Variants in EXOC4 observed in about 807,000 individuals in gnomAD.
EXOC4 encodes the protein exocyst complex component 4.
A neutral mutation model predicts 107.2 loss-of-function variants in EXOC4; 71 were observed. The observed-to-expected ratio is 0.66, with a 90% confidence interval of 0.55 to 0.81. The LOEUF (loss-of-function observed/expected upper bound fraction) is 0.81, where lower values mean the gene tolerates loss of function less well. Among genes scored for constraint, EXOC4 ranks in the 30% least tolerant of loss-of-function variants. The pLI, the probability that EXOC4 is intolerant of heterozygous loss-of-function variation, is 0.00. For missense variants in EXOC4, 1,108 were observed against 1,189.6 expected (o/e 0.93, Z 1.01); for synonymous variants, 456 against 441.2 (o/e 1.03, Z -0.42).
chr7:133,295,522 G>A (rs1332904075), intron 3 of EXOC4, among the ~76,000 whole-genome samples: 1 of 152,092 alleles, frequency 6.6e-6, no homozygotes, highest in African/African-American at 2.4e-5. Flanking sequence ...TTAATCCACT[G>A]GGTATCATCA....
At chr7:133,887,335 T>C (rs1040434370) in intron 11 of EXOC4, among the ~76,000 whole-genome samples, 2 of 152,226 alleles carry the variant, frequency 1.3e-5, no homozygotes, top group Non-Finnish European at 2.9e-5. Flanking sequence ...ATCTAGTTTC[T>C]TTTATTAATC....
intron 10 of EXOC4, among the ~76,000 whole-genome samples, chr7:133,690,060 A>G (rs1268542356): frequency 6.6e-6 from 1 of 152,130 alleles, no homozygotes; most frequent in Non-Finnish European, 1.5e-5. Flanking sequence ...CATGCCAGCT[A>G]AAACTGGCCT....
intron 3 of EXOC4, among the ~76,000 whole-genome samples, chr7:133,301,291 T>G (rs1474070067): frequency 6.6e-6 from 1 of 152,210 alleles, no homozygotes; most frequent in East Asian, 1.9e-4. Context: ...AGAGATTTTG[T>G]GATGTTCTTA....
chr7:133,953,224 G>T (rs1800733510), intron 14 of EXOC4, among the ~76,000 whole-genome samples: 2 of 152,122 alleles, frequency 1.3e-5, no homozygotes, highest in African/African-American at 2.4e-5. Flanking sequence ...AAGGTGGGCG[G>T]ATCACTTGAG....
chr7:133,735,219 CAAAAAAAAA>C (rs56769096), intron 10 of EXOC4, among the ~76,000 whole-genome samples: 16 of 33,494 alleles, frequency 4.8e-4, no homozygotes, highest in South Asian at 2.5e-3. Flanking sequence ...GACTCTGTCT[CAAAAAAAAA>C]AAAAAAAAAA....
At chr7:133,867,921 A>G (rs1022194550) in intron 11 of EXOC4, among the ~76,000 whole-genome samples, 1 of 152,260 alleles carries the variant, frequency 6.6e-6, no homozygotes, top group East Asian at 1.9e-4. Flanking sequence ...TTTAAAGCAT[A>G]TGTGCTAATG....
intron 10 of EXOC4, among the ~76,000 whole-genome samples, chr7:133,723,972 T>TAAATAAATTCC (rs1795161592): frequency 1.3e-5 from 2 of 152,272 alleles, no homozygotes; most frequent in South Asian, 2.1e-4. Context: ...ATTTCCATAA[T>TAAATAAATTCC]GACTTATTTA....
intron 14 of EXOC4, among the ~76,000 whole-genome samples, chr7:133,971,355 TATATATAG>T (rs1203765268): frequency 9.8e-5 from 10 of 101,724 alleles, no homozygotes; most frequent in East Asian, 6.3e-4. Flanking sequence ...TATATATATA[TATATATAG>T]AGAGAGAGAG....
At chr7:133,418,491 G>C (rs1797529205) in intron 7 of EXOC4, among the ~76,000 whole-genome samples, 2 of 152,178 alleles carry the variant, frequency 1.3e-5, no homozygotes, top group African/African-American at 4.8e-5. Context: ...TTACTAAGAA[G>C]AATGTCTGAA....
intron 9 of EXOC4, among the ~76,000 whole-genome samples, chr7:133,495,151 C>T (rs1377097025): frequency 1.3e-5 from 2 of 151,730 alleles, no homozygotes; most frequent in African/African-American, 4.8e-5. Flanking sequence ...ACTAGGGAGG[C>T]TGAGGCAGGA....
intron 10 of EXOC4, among the ~76,000 whole-genome samples, chr7:133,791,576 A>G (rs529132642): frequency 3.9e-5 from 6 of 152,230 alleles, no homozygotes; most frequent in Non-Finnish European, 7.3e-5. Context: ...CTGTTTAATA[A>G]GCATAGTTTG....
At chr7:133,896,938 C>CT (rs1360325420) in intron 12 of EXOC4, among the ~76,000 whole-genome samples, 1 of 123,866 alleles carries the variant, frequency 8.1e-6, no homozygotes, top group Non-Finnish European at 1.6e-5. Flanking sequence ...GCTGGGATTA[C>CT]AGGCATGAGC....
chr7:134,052,018 A>G (rs1795804503), intron 17 of EXOC4, among the ~76,000 whole-genome samples: 1 of 152,004 alleles, frequency 6.6e-6, no homozygotes, highest in Admixed American at 6.5e-5. Context: ...ATGTGGCTCC[A>G]TGACAGTTGG....
intron 14 of EXOC4, among the ~76,000 whole-genome samples, chr7:133,992,461 T>A (rs960708888): frequency 6.6e-6 from 1 of 151,996 alleles, no homozygotes; most frequent in Non-Finnish European, 1.5e-5. Context: ...TTTTGTACTT[T>A]TATTAAAGAC....
intron 4 of EXOC4, among the ~76,000 whole-genome samples, chr7:133,311,890 A>C (rs549228674): frequency 2.0e-5 from 3 of 152,130 alleles, no homozygotes; most frequent in Admixed American, 6.5e-5. Context: ...TGAAAAATTA[A>C]ATGCAGTTTT....
At chr7:133,849,856 G>T (rs1315957714) in intron 11 of EXOC4, among the ~76,000 whole-genome samples, 1 of 152,140 alleles carries the variant, frequency 6.6e-6, no homozygotes, top group Non-Finnish European at 1.5e-5. Flanking sequence ...AAGGAAAAAG[G>T]TCTCTTGTCT....
chr7:133,365,165 T>C (rs1224667968), intron 6 of EXOC4, among the ~76,000 whole-genome samples: 1 of 152,122 alleles, frequency 6.6e-6, no homozygotes, highest in African/African-American at 2.4e-5. Flanking sequence ...AAACAATTCC[T>C]CTAGGGGCAT....
At chr7:133,368,287 T>C (rs1462055014) in intron 6 of EXOC4, among the ~76,000 whole-genome samples, 1 of 152,244 alleles carries the variant, frequency 6.6e-6, no homozygotes, top group Non-Finnish European at 1.5e-5. Flanking sequence ...GGATTAGGCC[T>C]CTTTTGGTTA....
intron 11 of EXOC4, among the ~76,000 whole-genome samples, chr7:133,876,358 G>A (rs1054491594): frequency 6.6e-6 from 1 of 152,044 alleles, no homozygotes; most frequent in Non-Finnish European, 1.5e-5. Flanking sequence ...TCATTACCTC[G>A]AGTGAGTCTT....
Sources: allele counts gnomAD v4.1 joint callset (sites outside exome capture counted in the v4.1 genomes callset), GRCh38; gene constraint gnomAD v4.1.1; transcripts MANE v1.5; gene names NCBI Gene and HGNC (gene_info 2026-07-23, HGNC 2026-07-21).